SPEN: variants seen among roughly 807,000 people sequenced by gnomAD.
The protein encoded by SPEN is msx2-interacting protein.
A neutral mutation model predicts 269.9 loss-of-function variants in SPEN; 18 were observed. The ratio of observed to expected loss-of-function variants is 0.07; its 90% CI spans 0.05 to 0.10. SPEN has a LOEUF of 0.10. Among genes scored for constraint, SPEN ranks in the 10% least tolerant of loss-of-function variants. The pLI is 1.00. For missense variants in SPEN, 3,822 were observed against 4,631.2 expected (o/e 0.83, Z 5.07); for synonymous variants, 1,726 against 1,765.7 (o/e 0.98, Z 0.56).
intron 3 of SPEN, among the ~76,000 whole-genome samples, chr1:15,897,608 C>T (rs989693772): frequency 2.9e-4 from 44 of 151,792 alleles, no homozygotes; most frequent in East Asian, 2.7e-3. Context: ...GTGATCCCCC[C>T]GCCTCGGCCT....
intron 4 of SPEN, among the ~76,000 whole-genome samples, chr1:15,909,938 A>G (rs2070996646): frequency 6.6e-6 from 1 of 151,992 alleles, no homozygotes; most frequent in African/African-American, 2.4e-5. Context: ...ATCCTGGCTA[A>G]CATGGTGAAA....
chr1:15,875,467 T>C (rs2070621582), intron 2 of SPEN, among the ~76,000 whole-genome samples: 2 of 152,158 alleles, frequency 1.3e-5, no homozygotes, highest in African/African-American at 4.8e-5. Flanking sequence ...TGGAATTTGA[T>C]AGCACAGGAG....
At chr1:15,911,076 A>G in intron 4 of SPEN, 25 bp from the exon 5 acceptor site, 3 of 1,559,814 alleles carry the variant, frequency 1.9e-6, no homozygotes, top group Non-Finnish European at 2.6e-6. Context: ...AAGAATTAAT[A>G]ACTTGGTTTT....
chr1:15,929,150 A>C lies in SPEN; in HGVS notation c.2910A>C (p.Ala970=), dbSNP rs1432244890. 6.2e-7 allele frequency: 1 copy of C among 1,614,218 alleles called. No homozygotes were observed. The highest frequency in any genetic ancestry group is 2.2e-5 in the East Asian group (1 of 44,890). ...AGCACCTCAAGCCTGAGCAGCCTGC[A>C]GATGGGGTAAGTGCTGTGGATCTGG... is the stretch of plus-strand genomic sequence containing the variant. ...ARKHLKPEQP[A]DGVSAVDLEK... Residue 970 remains alanine, a synonymous_variant, in exon 11 of 15, where the codon GCA becomes GCC. Coordinates refer to ENST00000375759, the MANE Select transcript of SPEN (RefSeq NM_015001.3). This position sits in a 1 kb window ranked among gnomAD's most constrained non-coding sequence, Gnocchi z 5.8.
In SPEN at chr1:15,933,443, C is replaced by G; in HGVS notation, c.7203C>G (p.Asp2401Glu). The G allele has an allele frequency of 6.2e-7, 1 of 1,614,098 alleles. No individual in the cohort carries two copies. Among genetic ancestry groups the G allele is most frequent in the Non-Finnish European group, 8.5e-7 (1 of 1,180,030 alleles). The part of the protein sequence containing the change: ...HSTPPQSCTS[D>E]LSKIPSTENS... Reference sequence around the variant, plus strand: ...CTCCTCCTCAGTCATGTACTTCTGACCTAAGCAAGATTCCCTCCACAGAGA... The same window carrying G: ...CTCCTCCTCAGTCATGTACTTCTGAGCTAAGCAAGATTCCCTCCACAGAGA... Residue 2401 changes from aspartate (D) to glutamate (E), a missense_variant, in exon 11 of 15, where the codon GAC becomes GAG. Coordinates refer to ENST00000375759, the MANE Select transcript of SPEN (RefSeq NM_015001.3). The surrounding 1 kb of genome is among the most constrained non-coding windows in gnomAD (Gnocchi z 5.7).
intron 1 of SPEN, among the ~76,000 whole-genome samples, chr1:15,853,378 G>A (rs2070355149): frequency 6.6e-6 from 1 of 151,548 alleles, no homozygotes; most frequent in African/African-American, 2.4e-5. Context: ...GTAGAGACAG[G>A]GTGTCACTGT....
intron 3 of SPEN, among the ~76,000 whole-genome samples, chr1:15,898,535 CA>C (rs1004640187): frequency 6.7e-6 from 1 of 149,070 alleles, no homozygotes; most frequent in Admixed American, 6.8e-5. Flanking sequence ...TAGCATTTGT[CA>C]AAATTTTTTT....
At position 15,848,461 on chromosome 1, in the gene SPEN, C is replaced by T. The variant is rs1433159438; in HGVS notation, c.83+311C>T. On this transcript the variant is annotated intron_variant, in intron 1 of 14. Coordinates refer to ENST00000375759, the MANE Select transcript of SPEN (RefSeq NM_015001.3). The surrounding 1 kb of genome is among the most constrained non-coding windows in gnomAD (Gnocchi z 5.1). Reference sequence around the variant, plus strand: ...GCCCCGGGGCTGCCCTCGCGTCAGCCCGGGAGTCGGTGGGAGATGCGCTGG... The same window carrying T: ...GCCCCGGGGCTGCCCTCGCGTCAGCTCGGGAGTCGGTGGGAGATGCGCTGG... Among the ~76,000 whole-genome samples the T allele has an allele frequency of 2.0e-5, 3 of 151,878 alleles. No individual in the cohort carries two copies. Among genetic ancestry groups the T allele is most frequent in the Admixed American group, 2.0e-4 (3 of 15,256 alleles).
rs758583717 is a variant in SPEN, at chr1:15,932,466, A to G, written c.6226A>G (p.Lys2076Glu). Residue 2076 changes from lysine (K) to glutamate (E), a missense_variant, in exon 11 of 15, where the codon AAG becomes GAG. Around this residue, in one of 16 missense-constraint regions of SPEN, gnomAD observed 727 missense variants for 737.9 expected, o/e 0.99. Coordinates refer to ENST00000375759, the MANE Select transcript of SPEN (RefSeq NM_015001.3). This position sits in a 1 kb window ranked among gnomAD's most constrained non-coding sequence, Gnocchi z 4.2. ...GGCCCCTGAAAAAAACTCCAAATCA[A>G]AGAGAGGAAGATCTCGAAACTCCAG... Reference protein sequence around the residue: ...KPAPEKNSKSKRGRSRNSRLA... With the variant: ...KPAPEKNSKSERGRSRNSRLA... 6.2e-7 allele frequency: 1 copy of G among 1,611,496 alleles called. No individual in the cohort carries two copies. The highest frequency in any genetic ancestry group is 1.3e-5 in the African/African-American group (1 of 74,478).
Position 15,848,018 on chromosome 1 carries a change from A to T in SPEN, c.-50A>T. 7.7e-7 allele frequency: 1 copy of T among 1,293,318 alleles called. No homozygotes were observed. The highest frequency in any genetic ancestry group is 1.0e-6 in the Non-Finnish European group (1 of 979,900). The allele number at this position is 1,293,318 out of a possible 1,614,324, so 80.1% of individuals were successfully genotyped here. A position where few individuals can be genotyped will look rare whatever the true frequency, so the allele number is the denominator to read the frequency against. ...CTCCCGGCGCTGACGGTCTCGTACG[A>T]AGCCGGCGAGGGGGAGCCAGCAGCG... On this transcript the variant is annotated 5_prime_UTR_variant, in exon 1 of 15. Transcript: ENST00000375759. The surrounding 1 kb of genome is among the most constrained non-coding windows in gnomAD (Gnocchi z 5.1).
chr1:15,929,990 A>C lies in SPEN; in HGVS notation c.3750A>C (p.Gln1250His). The C allele has an allele frequency of 6.2e-7, 1 of 1,614,152 alleles. No individual in the cohort carries two copies. The highest frequency in any genetic ancestry group is 1.1e-5 in the South Asian group (1 of 91,086). Reference protein sequence around the residue: ...KRERNYRSSRQISEDSERTGG... With the variant: ...KRERNYRSSRHISEDSERTGG... ...AACGGAATTACAGAAGTTCACGCCA[A>C]ATCAGCGAAGATTCTGAAAGGACTG... Residue 1250 changes from glutamine to histidine, a missense_variant, in exon 11 of 15, where the codon CAA becomes CAC. Physicochemically the swap from Gln to His is conservative, Grantham distance 24. Coordinates refer to ENST00000375759, the MANE Select transcript of SPEN (RefSeq NM_015001.3). This position sits in a 1 kb window ranked among gnomAD's most constrained non-coding sequence, Gnocchi z 5.8.
Position 15,928,137 on chromosome 1 carries a change from T to C in SPEN, c.1897T>C (p.Tyr633His). Reference sequence around the variant, plus strand: ...CGACTATAACCAAGATCGTACATATTATGAGAGTGTTCGAACTCCAGGCAC... The same window carrying C: ...CGACTATAACCAAGATCGTACATATCATGAGAGTGTTCGAACTCCAGGCAC... Reference protein sequence around the residue: ...SYDYNQDRTYYESVRTPGTYP... With the variant: ...SYDYNQDRTYHESVRTPGTYP... The change falls in exon 11 of 15, where the codon TAT becomes CAT. Residue 633 changes from tyrosine (Y) to histidine (H), a missense_variant. Physicochemically the swap from Tyr to His is moderately conservative, Grantham distance 83. Coordinates refer to ENST00000375759, the MANE Select transcript of SPEN (RefSeq NM_015001.3). The surrounding 1 kb of genome is among the most constrained non-coding windows in gnomAD (Gnocchi z 5.7). 2 of 1,614,134 alleles carry C rather than the reference T, an allele frequency of 1.2e-6. No individual in the cohort carries two copies. Among genetic ancestry groups the C allele is most frequent in the African/African-American group, 1.3e-5 (1 of 75,008 alleles).
At chr1:15,891,553 T>C (rs2070789306) in intron 3 of SPEN, among the ~76,000 whole-genome samples, 1 of 151,956 alleles carries the variant, frequency 6.6e-6, no homozygotes. Context: ...GGTTTCACCA[T>C]GTTAGCCAGG....
intron 3 of SPEN, among the ~76,000 whole-genome samples, chr1:15,893,187 C>T (rs535151543): frequency 6.6e-6 from 1 of 152,306 alleles, no homozygotes; most frequent in Admixed American, 6.5e-5. Flanking sequence ...TAAAATATGT[C>T]TGTTTACATA....
At position 15,880,226 on chromosome 1, in the gene SPEN, TG is replaced by T. The variant is rs574048977; in HGVS notation, c.881+3549del. On this transcript the variant is annotated intron_variant, in intron 3 of 14. Transcript: ENST00000375759. ...CTCTGTTACCACTGTCTTATGTCTG[TG>T]TAGATTCTTCCTTTTTATAAATCAC... is the stretch of plus-strand genomic sequence containing the variant. Among the ~76,000 whole-genome samples, 6 of 152,256 alleles carry T rather than the reference TG, an allele frequency of 3.9e-5. No individual in the cohort carries two copies. In the South Asian group the frequency reaches 1.2e-3, roughly 32 times the overall value.
intron 1 of SPEN, among the ~76,000 whole-genome samples, chr1:15,854,449 A>G (rs1194762205): frequency 6.6e-6 from 1 of 152,132 alleles, no homozygotes; most frequent in Non-Finnish European, 1.5e-5. Context: ...TGTGGAAACC[A>G]ATTAGAATGT....
rs1557763715 is a variant in SPEN at position 15,937,216 on chromosome 1, A to C, written c.10080A>C (p.Thr3360=). The change falls in exon 12 of 15, where the codon ACA becomes ACC. Residue 3360 remains threonine, a synonymous_variant. Coordinates refer to ENST00000375759, the MANE Select transcript of SPEN (RefSeq NM_015001.3). The surrounding 1 kb of genome is among the most constrained non-coding windows in gnomAD (Gnocchi z 5.7). The part of the protein sequence containing the change: ...PLQPPQPVQS[T]QPAQPAPPCP... Reference sequence around the variant, plus strand: ...AGCCTCCTCAGCCTGTGCAGTCCACACAGCCTGCCCAGCCTGCACCACCCT... The same window carrying C: ...AGCCTCCTCAGCCTGTGCAGTCCACCCAGCCTGCCCAGCCTGCACCACCCT... 6.2e-7 allele frequency: 1 copy of C among 1,613,496 alleles called. No homozygotes were observed.
intron 3 of SPEN, among the ~76,000 whole-genome samples, chr1:15,882,347 G>GC (rs200190011): frequency 0.029 from 4,401 of 151,772 alleles, 97 homozygotes; most frequent in Non-Finnish European, 0.045. Context: ...TTGGATTCCC[G>GC]CCCCCCCAAT....
intron 3 of SPEN, among the ~76,000 whole-genome samples, chr1:15,906,050 A>G (rs1057438481): frequency 2.6e-5 from 4 of 152,240 alleles, no homozygotes; most frequent in African/African-American, 9.6e-5. Context: ...GTCACATAAC[A>G]TATTCTATAC....
Sources: allele counts gnomAD v4.1 joint callset (sites outside exome capture counted in the v4.1 genomes callset), GRCh38; gene constraint gnomAD v4.1.1; regional missense constraint gnomAD v4.1.1; non-coding constraint Gnocchi (gnomAD v3.1); transcripts MANE v1.5; gene names NCBI Gene and HGNC (gene_info 2026-07-23, HGNC 2026-07-21).